Variants in EPN2 observed in about 807,000 individuals in gnomAD.
EPN2 encodes epsin 2.
EPN2 carries 34 observed loss-of-function variants against 61.7 expected under a neutral mutation model. That is an observed-to-expected ratio of 0.55 (90% CI 0.42 to 0.73). The LOEUF (loss-of-function observed/expected upper bound fraction) is 0.73, where lower values mean the gene tolerates loss of function less well. EPN2 is among the 30% of genes least tolerant of loss of function. The probability of loss-of-function intolerance (pLI) is 0.00; values close to 1 mark genes in which losing one functional copy is unlikely to be tolerated. For synonymous variants in EPN2, 349 were observed against 353.6 expected (o/e 0.99, Z 0.15); for missense variants, 714 against 839.2 (o/e 0.85, Z 1.84).
At chr17:19,245,094 T>C (rs1359081453) in intron 1 of EPN2, among the ~76,000 whole-genome samples, 3 of 152,094 alleles carry the variant, frequency 2.0e-5, no homozygotes, top group Admixed American at 1.3e-4. Flanking sequence ...CCCACACCTG[T>C]CTGATTTTGG....
chr17:19,312,929 G>GAGCT, intron 6 of EPN2, 176 bp from the exon 7 acceptor site: 1 of 641,786 alleles, frequency 1.6e-6, no homozygotes, highest in Admixed American at 2.8e-5. Context: ...TGTGACTGGA[G>GAGCT]AGCTGGCTGG....
intron 1 of EPN2, among the ~76,000 whole-genome samples, chr17:19,259,829 CGG>C (rs1395736406): frequency 4.2e-4 from 64 of 152,292 alleles, no homozygotes; most frequent in African/African-American, 1.4e-3. Context: ...GAGGAAGGGA[CGG>C]ACTTCTTTAT....
At chr17:19,289,627 G>T (rs925288265) in intron 4 of EPN2, among the ~76,000 whole-genome samples, 4 of 151,990 alleles carry the variant, frequency 2.6e-5, no homozygotes, top group Non-Finnish European at 5.9e-5. Context: ...GTCTGGAGTT[G>T]GGGGGAGAAT....
chr17:19,239,792 A>G (rs1470385721), intron 1 of EPN2, among the ~76,000 whole-genome samples: 1 of 152,208 alleles, frequency 6.6e-6, no homozygotes, highest in Non-Finnish European at 1.5e-5. Flanking sequence ...TGTTGGGCCA[A>G]GCACTCGAGG....
chr17:19,295,561 A>G (rs1370309974), intron 4 of EPN2, among the ~76,000 whole-genome samples: 1 of 152,150 alleles, frequency 6.6e-6, no homozygotes, highest in Non-Finnish European at 1.5e-5. Context: ...AAGAAAAAAT[A>G]CATTTGAAGT....
intron 1 of EPN2, among the ~76,000 whole-genome samples, chr17:19,270,263 C>T (rs1344581549): frequency 6.6e-6 from 1 of 152,244 alleles, no homozygotes; most frequent in Non-Finnish European, 1.5e-5. Flanking sequence ...TCTTACTGCT[C>T]TTTTAATTCT....
At position 19,285,662 on chromosome 17, in the gene EPN2, C is replaced by A; in HGVS notation, c.638C>A (p.Pro213Gln). 6.4e-7 allele frequency: 1 copy of A among 1,570,508 alleles called. No homozygotes were observed. Among genetic ancestry groups the A allele is most frequent in the Non-Finnish European group, 8.6e-7 (1 of 1,158,912 alleles). The change falls in exon 4 of 11, where the codon CCG (proline) becomes CAG (glutamine). Residue 213 changes from proline to glutamine, a missense_variant. Pro to Gln is a moderately conservative substitution (Grantham distance 76). Coordinates refer to ENST00000314728, the MANE Select transcript of EPN2 (RefSeq NM_014964.5). This position sits in a 1 kb window ranked among gnomAD's most constrained non-coding sequence, Gnocchi z 4.5. The part of the protein sequence containing the change: ...SLCPQHRTGA[P>Q]LGQSEELQPL... ...TGCCCCCAGCACCGCACAGGGGCCCCGCTGGGTCAGAGTGAGGAGCTGCAG... is the reference window on the plus strand; with the variant it reads ...TGCCCCCAGCACCGCACAGGGGCCCAGCTGGGTCAGAGTGAGGAGCTGCAG...
chr17:19,316,300 G>A (rs762888091), intron 7 of EPN2, among the ~76,000 whole-genome samples: 5 of 152,244 alleles, frequency 3.3e-5, no homozygotes, highest in Non-Finnish European at 5.9e-5. Flanking sequence ...CTGAGGATGG[G>A]CACATGTGGC....
At chr17:19,310,545 TTTTC>T (rs1403151833) in intron 5 of EPN2, among the ~76,000 whole-genome samples, 1 of 151,552 alleles carries the variant, frequency 6.6e-6, no homozygotes, top group Non-Finnish European at 1.5e-5. Flanking sequence ...TTCTCTTTTC[TTTTC>T]TTTCTCTCTT....
chr17:19,334,847 G>A lies in EPN2; in HGVS notation c.*593G>A, dbSNP rs774503978. 2 of 153,132 alleles carry A rather than the reference G, an allele frequency of 1.3e-5. No individual in the cohort carries two copies. Among genetic ancestry groups the A allele is most frequent in the Non-Finnish European group, 1.5e-5 (1 of 68,430 alleles). 9.5% of individuals were successfully genotyped at this position (153,132 alleles called of 1,614,324 possible). A position where few individuals can be genotyped will look rare whatever the true frequency, so the allele number is the denominator to read the frequency against. ...ACCCCCAACGTGGCTCTATGCTTGT[G>A]TACCTTTGCACATATTTTGTTTAGT... On this transcript the variant is annotated 3_prime_UTR_variant, in exon 11 of 11. Transcript: ENST00000314728. The surrounding 1 kb of genome is among the most constrained non-coding windows in gnomAD (Gnocchi z 4.9).
chr17:19,268,724 A>G (rs2045225339), intron 1 of EPN2, among the ~76,000 whole-genome samples: 1 of 152,206 alleles, frequency 6.6e-6, no homozygotes, highest in African/African-American at 2.4e-5. Context: ...GAAATAACCC[A>G]GATATCCATG....
At chr17:19,267,409 GAAACA>G (rs1168002670) in intron 1 of EPN2, among the ~76,000 whole-genome samples, 1 of 151,986 alleles carries the variant, frequency 6.6e-6, no homozygotes, top group East Asian at 1.9e-4. Flanking sequence ...TATCTCAATA[GAAACA>G]AAACAAAAAG....
chr17:19,265,775 C>G (rs1325791516), intron 1 of EPN2, among the ~76,000 whole-genome samples: 1 of 152,224 alleles, frequency 6.6e-6, no homozygotes, highest in African/African-American at 2.4e-5. Context: ...CAGGCCTGTC[C>G]TGCCAGCACC....
chr17:19,299,293 A>G lies in EPN2; in HGVS notation c.767-10592A>G, dbSNP rs77611820. The stretch of plus-strand genomic sequence containing the variant: ...TTTGAAGTTTATGATTGAATTAAAA[A>G]AGAGATAAATGATTATCTTTGTTGA... On this transcript the variant is annotated intron_variant, in intron 4 of 10. Coordinates refer to ENST00000314728, the MANE Select transcript of EPN2 (RefSeq NM_014964.5). 2.1e-3 allele frequency among the ~76,000 whole-genome samples: 316 copies of G among 152,378 alleles called. 3 individuals carry two copies. Among genetic ancestry groups the G allele is most frequent in the African/African-American group, 7.4e-3 (308 of 41,596 alleles).
At chr17:19,290,508 T>C (rs1390613412) in intron 4 of EPN2, among the ~76,000 whole-genome samples, 1 of 152,006 alleles carries the variant, frequency 6.6e-6, no homozygotes, top group Non-Finnish European at 1.5e-5. Context: ...AGGGGCCAGA[T>C]CTTCTGCCTT....
chr17:19,329,212 C>A, intron 8 of EPN2: 1 of 428,320 alleles, frequency 2.3e-6, no homozygotes, highest in Non-Finnish European at 4.1e-6. Flanking sequence ...CCTCCAGGCA[C>A]TCCTTCTGGT....
chr17:19,293,511 C>T (rs1177497471), intron 4 of EPN2, among the ~76,000 whole-genome samples: 1 of 147,008 alleles, frequency 6.8e-6, no homozygotes, highest in African/African-American at 2.5e-5. Context: ...GCTGAGACTA[C>T]AGGTGCATGC....
At chr17:19,329,895 G>T (rs569954770) in intron 9 of EPN2, among the ~76,000 whole-genome samples, 1 of 152,102 alleles carries the variant, frequency 6.6e-6, no homozygotes, top group Non-Finnish European at 1.5e-5. Context: ...CCACAGCCCC[G>T]GCCTCCTCAG....
At chr17:19,303,773 C>T (rs941626750) in intron 4 of EPN2, 26 of 152,182 alleles carry the variant, frequency 1.7e-4, no homozygotes, top group African/African-American at 4.8e-4. Context: ...ACCTTTTTGT[C>T]TTTTGCATCA....
Sources: gnomAD v4.1 joint callset for allele counts (sites outside exome capture counted in the v4.1 genomes callset) on GRCh38, gnomAD v4.1.1 for gene constraint, Gnocchi (gnomAD v3.1) non-coding constraint, MANE v1.5 for transcripts, NCBI Gene and HGNC (gene_info 2026-07-23, HGNC 2026-07-21) for gene names.